IMPA2: variants seen among roughly 807,000 people sequenced by gnomAD.
The protein encoded by IMPA2 is inositol monophosphatase 2.
In IMPA2, 32 loss-of-function variants were observed where a neutral mutation model predicts 35.1. That is an observed-to-expected ratio of 0.91 (90% CI 0.69 to 1.23). The LOEUF (loss-of-function observed/expected upper bound fraction) is 1.23. Among genes scored for constraint, IMPA2 ranks in the 50% most tolerant of loss-of-function variants. The pLI is 0.00. For missense variants in IMPA2, 334 were observed against 387.6 expected (o/e 0.86, Z 1.16); for synonymous variants, 135 against 160.6 (o/e 0.84, Z 1.20).
chr18:11,985,811 C>G (rs1013638851), intron 1 of IMPA2, among the ~76,000 whole-genome samples: 1 of 152,146 alleles, frequency 6.6e-6, no homozygotes, highest in African/African-American at 2.4e-5. Context: ...ACTGCAAACC[C>G]TATTGAAGCA....
chr18:12,001,385 C>T (rs561927487), intron 2 of IMPA2, among the ~76,000 whole-genome samples: 7 of 152,088 alleles, frequency 4.6e-5, no homozygotes, highest in South Asian at 4.2e-4. Flanking sequence ...GGTGATGATC[C>T]GTGTGGCCGT....
At chr18:11,990,310 G>A (rs143080261) in intron 1 of IMPA2, among the ~76,000 whole-genome samples, 53 of 152,288 alleles carry the variant, frequency 3.5e-4, no homozygotes, top group Middle Eastern at 3.4e-3. Context: ...CAGCACCTGG[G>A]ATGTGGACAG....
chr18:12,006,413 C>T (rs873085), intron 2 of IMPA2, among the ~76,000 whole-genome samples: 12,637 of 152,276 alleles, frequency 0.083, 750 homozygotes, highest in East Asian at 0.3. Flanking sequence ...AGGAGCAAGG[C>T]GTGCAGTGTA....
chr18:11,996,031 G>T (rs1906950235), intron 1 of IMPA2, among the ~76,000 whole-genome samples: 1 of 152,186 alleles, frequency 6.6e-6, no homozygotes. Flanking sequence ...CAGGAAGGAC[G>T]AAGGGAAGTA....
At chr18:12,017,422 C>T (rs1907608798) in intron 5 of IMPA2, among the ~76,000 whole-genome samples, 1 of 152,144 alleles carries the variant, frequency 6.6e-6, no homozygotes, top group African/African-American at 2.4e-5. Context: ...AAATGCATCC[C>T]TAAAATCAGC....
Position 12,030,628 on chromosome 18 carries a change from C to T in IMPA2, c.*170C>T. On this transcript the variant is annotated 3_prime_UTR_variant, in exon 8 of 8. Transcript: ENST00000269159. ...TGGCTGGCCTTTTAAATCGACGTCT[C>T]TCTCACCAGGATTTGGTGTTTAGCT... The T allele has an allele frequency of 1.7e-6, 1 of 595,576 alleles. No homozygotes were observed. Among genetic ancestry groups the T allele is most frequent in the South Asian group, 2.0e-5 (1 of 49,876 alleles). 36.9% of individuals were successfully genotyped at this position (595,576 alleles called of 1,614,324 possible).
chr18:11,988,041 T>C (rs1906715134), intron 1 of IMPA2, among the ~76,000 whole-genome samples: 1 of 134,270 alleles, frequency 7.4e-6, no homozygotes, highest in Non-Finnish European at 1.5e-5. Context: ...AGTCTTGCTC[T>C]GTCGCCCAGG....
At chr18:12,004,100 A>G (rs1907189538) in intron 2 of IMPA2, among the ~76,000 whole-genome samples, 1 of 152,234 alleles carries the variant, frequency 6.6e-6, no homozygotes, top group African/African-American at 2.4e-5. Context: ...AATCCTTGAC[A>G]TGGGAAAAAC....
chr18:12,004,742 C>T (rs960091291), intron 2 of IMPA2, among the ~76,000 whole-genome samples: 1 of 152,148 alleles, frequency 6.6e-6, no homozygotes, highest in East Asian at 1.9e-4. Flanking sequence ...CCAGTCTGGT[C>T]TTGAACTCCT....
intron 2 of IMPA2, among the ~76,000 whole-genome samples, chr18:12,007,486 G>A (rs954807187): frequency 2.0e-5 from 3 of 152,116 alleles, no homozygotes; most frequent in African/African-American, 7.2e-5. Flanking sequence ...TGGTTCGTGC[G>A]GGGAAAGTGG....
intron 1 of IMPA2, among the ~76,000 whole-genome samples, chr18:11,984,172 G>A (rs1906588112): frequency 6.6e-6 from 1 of 152,212 alleles, no homozygotes; most frequent in African/African-American, 2.4e-5. Flanking sequence ...TGGAGAAACT[G>A]CTTCCATTTC....
intron 5 of IMPA2, among the ~76,000 whole-genome samples, chr18:12,020,467 A>G (rs561112895): frequency 4.3e-4 from 65 of 152,238 alleles, no homozygotes; most frequent in Non-Finnish European, 3.8e-4. Context: ...TGCTGGGATT[A>G]TAGGCATGAG....
rs1038563349 is a variant in IMPA2, at chr18:12,029,087, C to CCCA, written c.751+97_751+99dup. 7 of 1,011,264 alleles carry CCCA rather than the reference C, an allele frequency of 6.9e-6. No homozygotes were observed. In the Admixed American group the frequency reaches 2.2e-4, roughly 31 times the overall value. 62.6% of individuals were successfully genotyped at this position (1,011,264 alleles called of 1,614,324 possible). ...CCTGAAGTCCCCACCAACTGAATTTCCCACCTTCCCCAGAGTTTCTGTTTT... is the reference window on the plus strand; with the variant it reads ...CCTGAAGTCCCCACCAACTGAATTTCCCACCACCTTCCCCAGAGTTTCTGTTTT... On this transcript the variant is annotated intron_variant, in intron 7 of 7. Transcript: ENST00000269159.
intron 2 of IMPA2, among the ~76,000 whole-genome samples, chr18:12,004,655 T>A (rs762932258): frequency 8.6e-5 from 13 of 151,940 alleles, no homozygotes; most frequent in Non-Finnish European, 1.3e-4. Flanking sequence ...CTTCCAAGTA[T>A]CTGGGATTAC....
At chr18:12,016,998 C>T (rs1215297487) in intron 5 of IMPA2, among the ~76,000 whole-genome samples, 2 of 152,102 alleles carry the variant, frequency 1.3e-5, no homozygotes, top group African/African-American at 4.8e-5. Flanking sequence ...GTCATTAAAA[C>T]AAGCACCACT....
rs1906806864 is a variant in IMPA2, at chr18:11,991,316, G to A, written c.97-7738G>A. ...AAGGTGAGGGGAAAAATAGCCACGA[G>A]ACTAAAGGAGGCGTTGAGGATTCGA... On this transcript the variant is annotated intron_variant, in intron 1 of 7. Transcript: ENST00000269159. This position sits in a 1 kb window ranked among gnomAD's most constrained non-coding sequence, Gnocchi z 4.1. 6.6e-6 allele frequency among the ~76,000 whole-genome samples: 1 copy of A among 152,162 alleles called. No individual in the cohort carries two copies. Among genetic ancestry groups the A allele is most frequent in the African/African-American group, 2.4e-5 (1 of 41,424 alleles).
At chr18:12,016,797 C>T (rs1315308176) in intron 5 of IMPA2, among the ~76,000 whole-genome samples, 3 of 152,098 alleles carry the variant, frequency 2.0e-5, no homozygotes, top group South Asian at 2.1e-4. Flanking sequence ...ATATTGAAAA[C>T]GGGGATGCTG....
At chr18:12,002,625 A>G (rs1318841739) in intron 2 of IMPA2, among the ~76,000 whole-genome samples, 76 of 152,006 alleles carry the variant, frequency 5.0e-4, no homozygotes, top group Admixed American at 4.9e-3. Context: ...AAATTAAAAA[A>G]TCAGCTGGGC....
chr18:12,007,671 C>CTTTCTTTCTT (rs1907310856), intron 2 of IMPA2, among the ~76,000 whole-genome samples: 1 of 74,694 alleles, frequency 1.3e-5, no homozygotes, highest in Non-Finnish European at 3.1e-5. Flanking sequence ...TTCTTTCTTT[C>CTTTCTTTCTT]TTTCTTTCCT....
Sources: gnomAD v4.1 joint callset for allele counts (sites outside exome capture counted in the v4.1 genomes callset) on GRCh38, gnomAD v4.1.1 for gene constraint, Gnocchi (gnomAD v3.1) non-coding constraint, MANE v1.5 for transcripts, NCBI Gene and HGNC (gene_info 2026-07-23, HGNC 2026-07-21) for gene names.